The following P2RX5 variants were observed in gnomAD, a reference collection of about 807,000 sequenced individuals.
P2RX5 encodes purinergic receptor P2X 5.
P2RX5 carries 46 observed loss-of-function variants against 54.1 expected under a neutral mutation model. The observed-to-expected ratio is 0.85, with a 90% CI of 0.67 to 1.09. The LOEUF is 1.09. Among genes scored for constraint, P2RX5 ranks in the 50% least tolerant of loss-of-function variants. P2RX5 has a pLI of 0.00. For synonymous variants in P2RX5, 226 were observed against 226.4 expected, an observed-to-expected ratio of 1.00 and a Z score of 0.02; for missense variants, 566 against 549.8, an observed-to-expected ratio of 1.03 and a Z score of -0.29.
intron 8 of P2RX5, 53 bp downstream of exon 8, chr17:3,688,573 G>A: frequency 6.3e-7 from 1 of 1,596,634 alleles, no homozygotes; most frequent in Non-Finnish European, 8.6e-7. Context: ...ACCCAGATGA[G>A]TGAGTGCCAC....
chr17:3,696,145 G>T lies in P2RX5; in HGVS notation c.-140C>A. Reference sequence around the variant, plus strand: ...AGCTGCAGCCCGGGGTGTCCGGCAGGGCTGCGGGGCGCGGGGGCGGGTCGG... The same window carrying T: ...AGCTGCAGCCCGGGGTGTCCGGCAGTGCTGCGGGGCGCGGGGGCGGGTCGG... On this transcript the variant is annotated 5_prime_UTR_variant, in exon 1 of 12. Transcript: ENST00000225328. The T allele has an allele frequency of 1.2e-6, 1 of 814,804 alleles. No individual in the cohort carries two copies. The highest frequency in any genetic ancestry group is 1.7e-6 in the Non-Finnish European group (1 of 603,644). 50.5% of individuals were successfully genotyped at this position (814,804 alleles called of 1,614,324 possible).
chr17:3,688,098 T>G lies in P2RX5; in HGVS notation c.895A>C (p.Arg299=), dbSNP rs367661505. ...ACCCCGGCTGCGTCTCGGTAATATC[T>G]GGCAAATCTGAGGGAGACAGGGCCC... ...VSSGYNFRFA[R]YYRDAAGVEF... The change falls in exon 9 of 12, where the codon AGA becomes CGA. Residue 299 remains arginine, a synonymous_variant. Transcript: ENST00000225328. 2 of 1,588,122 alleles carry G rather than the reference T, an allele frequency of 1.3e-6. No individual in the cohort carries two copies. The highest frequency in any genetic ancestry group is 1.7e-4 in the Middle Eastern group (1 of 6,028).
chr17:3,682,366 C>T (rs2050308428), intron 9 of P2RX5: 2 of 347,562 alleles, frequency 5.8e-6, no homozygotes, highest in Non-Finnish European at 1.1e-5. Flanking sequence ...ACAGGCGTGT[C>T]GATGACGACC....
the P2RX5 span, among the ~76,000 whole-genome samples, chr17:3,721,036 C>T: frequency 2.5e-3 from 379 of 152,186 alleles, no homozygotes; most frequent in Non-Finnish European, 3.8e-3. Context: ...TCAAGTGATC[C>T]TCCCACCTCA....
Position 3,689,491 on chromosome 17 carries a change from C to A in P2RX5, c.753+1G>T, listed in dbSNP as rs370948586. ...GGGCTCCCTGCGTGCACCCCACCCA[C>A]CTCCAGGGCTATATCCTGGAAGTCG... is the stretch of plus-strand genomic sequence containing the variant. On this transcript the variant is annotated splice_donor_variant, in intron 7 of 11. Coordinates refer to ENST00000225328, the MANE Select transcript of P2RX5 (RefSeq NM_002561.4). LOFTEE classifies it high-confidence loss of function. 2 of 1,613,944 alleles carry A rather than the reference C, an allele frequency of 1.2e-6. No homozygotes were observed. The highest frequency in any genetic ancestry group is 1.7e-6 in the Non-Finnish European group (2 of 1,180,000).
intron 11 of P2RX5, among the ~76,000 whole-genome samples, chr17:3,676,818 T>C (rs2050115696): frequency 6.6e-6 from 1 of 152,142 alleles, no homozygotes; most frequent in African/African-American, 2.4e-5. Flanking sequence ...TCCCAGCACT[T>C]TGGGAGGCCA....
At chr17:3,709,549 C>G in the P2RX5 span, among the ~76,000 whole-genome samples, 3 of 152,178 alleles carry the variant, frequency 2.0e-5, no homozygotes, top group Non-Finnish European at 2.9e-5. Flanking sequence ...CTGCAGATCA[C>G]TTGAGCTCAG....
chr17:3,675,835 G>A, intron 11 of P2RX5: 1 of 983,308 alleles, frequency 1.0e-6, no homozygotes, highest in African/African-American at 1.7e-5. Context: ...ACAGGTGTGA[G>A]CCACTGCGCC....
chr17:3,684,491 A>G (rs950795723), intron 9 of P2RX5, among the ~76,000 whole-genome samples: 7 of 152,130 alleles, frequency 4.6e-5, no homozygotes, highest in Admixed American at 1.3e-4. Flanking sequence ...AGCCCTGGCT[A>G]GTGGGGAGGC....
the P2RX5 span, chr17:3,723,654 C>A: frequency 6.5e-7 from 1 of 1,547,712 alleles, no homozygotes; most frequent in Admixed American, 2.1e-5. Context: ...AGGCCCTCCG[C>A]CCTCCCCTGG....
chr17:3,708,600 G>A, the P2RX5 span, among the ~76,000 whole-genome samples: 2 of 152,172 alleles, frequency 1.3e-5, no homozygotes, highest in Admixed American at 6.5e-5. Context: ...TCACGCTGCT[G>A]ATAACCACAT....
At chr17:3,699,092 C>T (rs1354749165), upstream of P2RX5, among the ~76,000 whole-genome samples, 101 of 56,944 alleles carry the variant, frequency 1.8e-3, 1 homozygote, top group East Asian at 7.7e-3. Context: ...CACACACACA[C>T]ACCTATATAT....
At chr17:3,684,878 T>C (rs917042099) in intron 9 of P2RX5, among the ~76,000 whole-genome samples, 1 of 142,328 alleles carries the variant, frequency 7.0e-6, no homozygotes, top group African/African-American at 2.6e-5. Flanking sequence ...GGAGTTTTGC[T>C]CTTGTTGTCC....
chr17:3,715,129 T>C, the P2RX5 span, among the ~76,000 whole-genome samples: 3 of 152,182 alleles, frequency 2.0e-5, no homozygotes. Context: ...CTGGTGCTCA[T>C]CCCTCAATCA....
intron 9 of P2RX5, among the ~76,000 whole-genome samples, chr17:3,683,944 C>A (rs2050359662): frequency 6.6e-6 from 1 of 152,274 alleles, no homozygotes; most frequent in African/African-American, 2.4e-5. Flanking sequence ...CCAATGGACT[C>A]CTCCAGTGGG....
chr17:3,688,607 G>T lies in P2RX5; in HGVS notation c.887+19C>A. 6.2e-7 allele frequency: 1 copy of T among 1,613,826 alleles called. No individual in the cohort carries two copies. The highest frequency in any genetic ancestry group is 8.5e-7 in the Non-Finnish European group (1 of 1,179,784). ...ACTGATCATGGTCAGGTCACAAGTG[G>T]GCACAAGGCAGCGGTTACCTGAAGT... On this transcript the variant is annotated intron_variant, in intron 8 of 11. Coordinates refer to ENST00000225328, the MANE Select transcript of P2RX5 (RefSeq NM_002561.4).
At position 3,676,258 on chromosome 17, in the gene P2RX5, C is replaced by T. The variant is rs183166479; in HGVS notation, c.1260-2381G>A. 9.6e-5 allele frequency: 95 copies of T among 985,394 alleles called. 1 individual carries two copies. The highest frequency in any genetic ancestry group is 1.1e-4 in the East Asian group (1 of 8,808). 61.0% of individuals were successfully genotyped at this position (985,394 alleles called of 1,614,324 possible). On this transcript the variant is annotated intron_variant, in intron 11 of 11. Transcript: ENST00000225328. ...TCAGCTCCCAAGCCCAACATCGAAA[C>T]GTACTTCATGTCCATTTTTGACAGG...
Position 3,673,356 on chromosome 17 carries a change from A to G in P2RX5, c.*512T>C. ...TCTGTGTACTGGCCTAAGGGCAAAC[A>G]GCTGGCAGGAAGGTGGTGTCTTTAG... On this transcript the variant is annotated 3_prime_UTR_variant, in exon 12 of 12. Coordinates refer to ENST00000225328, the MANE Select transcript of P2RX5 (RefSeq NM_002561.4). The G allele has an allele frequency of 9.8e-7, 1 of 1,015,422 alleles. No homozygotes were observed. The highest frequency in any genetic ancestry group is 1.2e-6 in the Non-Finnish European group (1 of 846,558). The allele number at this position is 1,015,422 out of a possible 1,614,324, so 62.9% of individuals were successfully genotyped here.
chr17:3,710,720 G>T, the P2RX5 span, among the ~76,000 whole-genome samples: 6 of 151,772 alleles, frequency 4.0e-5, no homozygotes, highest in Admixed American at 1.3e-4. Flanking sequence ...TTGAAGTCGG[G>T]AGTTCAAGAC....
Sources: allele counts gnomAD v4.1 joint callset (sites outside exome capture counted in the v4.1 genomes callset), GRCh38; gene constraint gnomAD v4.1.1; transcripts MANE v1.5; gene names NCBI Gene and HGNC (gene_info 2026-07-23, HGNC 2026-07-21).